IDH2: variants seen among roughly 807,000 people sequenced by gnomAD.
IDH2 encodes the protein isocitrate dehydrogenase (NADP(+)) 2.
A neutral mutation model predicts 50.5 loss-of-function variants in IDH2; 18 were observed. The ratio of observed to expected loss-of-function variants is 0.36; its 90% CI spans 0.25 to 0.53. The LOEUF (loss-of-function observed/expected upper bound fraction) is 0.53. Ranked by LOEUF, IDH2 falls within the 20% of genes least tolerant of loss-of-function variation. The probability of loss-of-function intolerance (pLI) is 0.92; values close to 1 mark genes in which losing one functional copy is unlikely to be tolerated. For missense variants in IDH2, 518 were observed against 610.7 expected (o/e 0.85, Z 1.60); for synonymous variants, 280 against 239.8 (o/e 1.17, Z -1.55).
Position 90,084,254 on chromosome 15 carries a change from T to G in IDH2, c.*12A>C, listed in dbSNP as rs747501657. The G allele has an allele frequency of 6.2e-7, 1 of 1,612,162 alleles. No homozygotes were observed. Among genetic ancestry groups the G allele is most frequent in the East Asian group, 2.2e-5 (1 of 44,830 alleles). On this transcript the variant is annotated 3_prime_UTR_variant, in exon 11 of 11. Coordinates refer to ENST00000330062, the MANE Select transcript of IDH2 (RefSeq NM_002168.4). This position sits in a 1 kb window ranked among gnomAD's most constrained non-coding sequence, Gnocchi z 5.0. ...CTGGCCCCTCCACTGCAGCCATGGG[T>G]GGCGCCTCCCCCTACTGCCTGCCCA...
intron 5 of IDH2, among the ~76,000 whole-genome samples, chr15:90,087,923 C>T (rs1900911871): frequency 6.7e-6 from 1 of 150,198 alleles, no homozygotes; most frequent in Non-Finnish European, 1.5e-5. Context: ...GTGTCCCTGG[C>T]TTATCCAATC....
chr15:90,093,280 C>T (rs958005879), intron 1 of IDH2, among the ~76,000 whole-genome samples: 1 of 152,274 alleles, frequency 6.6e-6, no homozygotes, highest in Non-Finnish European at 1.5e-5. Context: ...CCTTGCACCT[C>T]AGCCTCCTTA....
chr15:90,101,031 T>C (rs1165439552), intron 1 of IDH2, among the ~76,000 whole-genome samples: 1 of 152,018 alleles, frequency 6.6e-6, no homozygotes, highest in Non-Finnish European at 1.5e-5. Flanking sequence ...TGGTGTGCTA[T>C]ATGGGAATCT....
In IDH2 at chr15:90,098,080, C is replaced by T. The variant is rs1237621385; in HGVS notation, c.115+4196G>A. ...CCCTTCTCTGAGAGATAAGTGGTGA[C>T]AAGCTACCTGAAATACACAGAGCAG... On this transcript the variant is annotated intron_variant, in intron 1 of 10. Transcript: ENST00000330062. The surrounding 1 kb of genome is among the most constrained non-coding windows in gnomAD (Gnocchi z 5.1). Among the ~76,000 whole-genome samples the T allele has an allele frequency of 6.6e-6, 1 of 152,166 alleles. No individual in the cohort carries two copies. The highest frequency in any genetic ancestry group is 1.9e-4 in the East Asian group (1 of 5,196).
At position 90,088,607 on chromosome 15, in the gene IDH2, T is replaced by G; in HGVS notation, c.514A>C (p.Arg172=). The change falls in exon 4 of 11, where the codon AGG becomes CGG. Residue 172 remains arginine, a synonymous_variant. Coordinates refer to ENST00000330062, the MANE Select transcript of IDH2 (RefSeq NM_002168.4). ...PGWTKPITIG[R]HAHGDQYKAT... is the part of the protein sequence containing the mutation. ...CCTACCTGGTCGCCATGGGCGTGCC[T>G]GCCAATGGTGATGGGCTTGGTCCAG... 6.2e-7 allele frequency: 1 copy of G among 1,614,220 alleles called. No homozygotes were observed. Among genetic ancestry groups the G allele is most frequent in the Non-Finnish European group, 8.5e-7 (1 of 1,180,038 alleles).
Position 90,084,215 on chromosome 15 carries a change from C to G in IDH2, c.*51G>C, listed in dbSNP as rs765526162. 2 of 1,527,842 alleles carry G rather than the reference C, an allele frequency of 1.3e-6. No individual in the cohort carries two copies. The highest frequency in any genetic ancestry group is 1.8e-6 in the Non-Finnish European group (2 of 1,108,282). 94.6% of individuals were successfully genotyped at this position (1,527,842 alleles called of 1,614,324 possible). The stretch of plus-strand genomic sequence containing the variant: ...CACCCTCTGCCGCGCTCAGGAGGAC[C>G]CGCCGGCTCAGCCCTGGCCCCTCCA... On this transcript the variant is annotated 3_prime_UTR_variant, in exon 11 of 11. Coordinates refer to ENST00000330062, the MANE Select transcript of IDH2 (RefSeq NM_002168.4). The surrounding 1 kb of genome is among the most constrained non-coding windows in gnomAD (Gnocchi z 5.0).
Position 90,088,867 on chromosome 15 carries a change from G to C in IDH2, c.374-120C>G. 3.3e-6 allele frequency: 3 copies of C among 912,086 alleles called. No homozygotes were observed. The South Asian group carries it at 4.0e-5, about 12-fold the overall frequency. The allele number at this position is 912,086 out of a possible 1,614,324, so 56.5% of individuals were successfully genotyped here. On this transcript the variant is annotated intron_variant, in intron 3 of 10. Coordinates refer to ENST00000330062, the MANE Select transcript of IDH2 (RefSeq NM_002168.4). ...AAAATTCTTCATGAGGAAGGCAGTAGAGTCTAGAGTGCAAATGTGTGGGCT... is the reference window on the plus strand; with the variant it reads ...AAAATTCTTCATGAGGAAGGCAGTACAGTCTAGAGTGCAAATGTGTGGGCT...
In IDH2 at chr15:90,086,807, A is replaced by G. The variant is rs568388767; in HGVS notation, c.967+305T>C. On this transcript the variant is annotated intron_variant, in intron 7 of 10. Coordinates refer to ENST00000330062, the MANE Select transcript of IDH2 (RefSeq NM_002168.4). ...CAGTCCCGCTTGATCCCATTTTCCTACTGGAACCAAAGAGTCATGAGGCTC... is the reference window on the plus strand; with the variant it reads ...CAGTCCCGCTTGATCCCATTTTCCTGCTGGAACCAAAGAGTCATGAGGCTC... 9.9e-5 allele frequency among the ~76,000 whole-genome samples: 15 copies of G among 152,124 alleles called. No homozygotes were observed. The South Asian group carries it at 3.1e-3, about 32-fold the overall frequency.
intron 1 of IDH2, among the ~76,000 whole-genome samples, chr15:90,097,121 TCC>T (rs1901203077): frequency 1.3e-5 from 2 of 152,030 alleles, no homozygotes; most frequent in African/African-American, 4.8e-5. Context: ...TGTGATACAG[TCC>T]CCCCTTATCA....
At chr15:90,099,316 C>A (rs576340316) in intron 1 of IDH2, among the ~76,000 whole-genome samples, 5 of 152,288 alleles carry the variant, frequency 3.3e-5, no homozygotes, top group African/African-American at 1.2e-4. Context: ...TCCATCATGC[C>A]CTTGGCACCT....
intron 1 of IDH2, 43 bp from the exon 2 acceptor site, chr15:90,091,687 T>G (rs1901041384): frequency 6.5e-7 from 1 of 1,545,704 alleles, no homozygotes; most frequent in African/African-American, 1.4e-5. Flanking sequence ...CTGGGGAGGC[T>G]GGAGGGGGGC....
chr15:90,088,645 C>T lies in IDH2; in HGVS notation c.476G>A (p.Arg159His), dbSNP rs755016578. 6.2e-6 allele frequency: 10 copies of T among 1,614,118 alleles called. No homozygotes were observed. The highest frequency in any genetic ancestry group is 1.7e-5 in the Admixed American group (1 of 60,014). Reference sequence around the variant, plus strand: ...GGGCTTGGTCCAGCCAGGGACTAGGCGTGGGATGTTTTTGCAGATGATGGG... The same window carrying T: ...GGGCTTGGTCCAGCCAGGGACTAGGTGTGGGATGTTTTTGCAGATGATGGG... ...REPIICKNIP[R>H]LVPGWTKPIT... The change falls in exon 4 of 11, where the codon CGC becomes CAC. Residue 159 changes from arginine to histidine, a missense_variant. Transcript: ENST00000330062.
At position 90,102,314 on chromosome 15, in the gene IDH2, A is replaced by C; in HGVS notation, c.77T>G (p.Leu26Arg). The change falls in exon 1 of 11, where the codon CTG becomes CGG. Residue 26 changes from leucine (L) to arginine (R), a missense_variant. Leu to Arg is a moderately radical substitution (Grantham distance 102). Around this residue, in one of 5 missense-constraint regions of IDH2, gnomAD observed 85 missense variants for 66.9 expected, o/e 1.27. Transcript: ENST00000330062. ...GSRPAWAPAA[L>R]TAPTSQEQPR... ...CTGCTCTTGCGAGGTGGGGGCTGTC[A>C]GGGCCGCCGGCGCCCAGGCCGGCCG... 7.4e-7 allele frequency: 1 copy of C among 1,356,254 alleles called. No individual in the cohort carries two copies. The highest frequency in any genetic ancestry group is 9.6e-7 in the Non-Finnish European group (1 of 1,043,734). The allele number at this position is 1,356,254 out of a possible 1,614,324, so 84.0% of individuals were successfully genotyped here.
chr15:90,084,789 G>C lies in IDH2; in HGVS notation c.1271+27C>G. 1 of 1,590,728 alleles carries C rather than the reference G, an allele frequency of 6.3e-7. No individual in the cohort carries two copies. The highest frequency in any genetic ancestry group is 8.6e-7 in the Non-Finnish European group (1 of 1,160,498). On this transcript the variant is annotated intron_variant, in intron 10 of 10. Transcript: ENST00000330062. This position sits in a 1 kb window ranked among gnomAD's most constrained non-coding sequence, Gnocchi z 5.0. ...TGGCTTCCTCCCACATGGCCCCAGG[G>C]TCTGCCTACCACCCCAGGCCACGCA... is the stretch of plus-strand genomic sequence containing the variant.
At position 90,090,355 on chromosome 15, in the gene IDH2, G is replaced by GT. The variant is rs1304237825; in HGVS notation, c.373+123_373+124insA. 3 of 1,062,100 alleles carry GT rather than the reference G, an allele frequency of 2.8e-6. No homozygotes were observed. The East Asian group carries it at 7.8e-5, about 28-fold the overall frequency. The allele number at this position is 1,062,100 out of a possible 1,614,324, so 65.8% of individuals were successfully genotyped here. A position where few individuals can be genotyped will look rare whatever the true frequency, so the allele number is the denominator to read the frequency against. On this transcript the variant is annotated intron_variant, in intron 3 of 10. Transcript: ENST00000330062. ...TTGGCCTCAGGAAAGCCCCAGCTCT[G>GT]GAGCCTCCCAACCTCCCAGTCCCGA...
Position 90,085,167 on chromosome 15 carries a change from G to T in IDH2, c.1081-69C>A. ...GTGAGGAGGCTGCCCAGATACAGCTGCCCGCCCCTGGGCTGGTGGGTCAGG... is the reference window on the plus strand; with the variant it reads ...GTGAGGAGGCTGCCCAGATACAGCTTCCCGCCCCTGGGCTGGTGGGTCAGG... On this transcript the variant is annotated intron_variant, in intron 8 of 10. Coordinates refer to ENST00000330062, the MANE Select transcript of IDH2 (RefSeq NM_002168.4). This position sits in a 1 kb window ranked among gnomAD's most constrained non-coding sequence, Gnocchi z 5.5. 6.5e-7 allele frequency: 1 copy of T among 1,549,440 alleles called. No individual in the cohort carries two copies. The highest frequency in any genetic ancestry group is 8.9e-7 in the Non-Finnish European group (1 of 1,123,880).
At chr15:90,101,607 G>C (rs1901332939) in intron 1 of IDH2, among the ~76,000 whole-genome samples, 1 of 151,752 alleles carries the variant, frequency 6.6e-6, no homozygotes, top group African/African-American at 2.4e-5. Flanking sequence ...GGGAGGGCAT[G>C]TGCCTGCCAA....
At chr15:90,095,472 T>TAAAAAAAA (rs10622800) in intron 1 of IDH2, among the ~76,000 whole-genome samples, 44 of 143,490 alleles carry the variant, frequency 3.1e-4, no homozygotes, top group African/African-American at 1.1e-3. Flanking sequence ...TCAAATTTGT[T>TAAAAAAAA]AAAAAAAAAA....
rs1901311644 is a variant in IDH2, at chr15:90,100,893, G to C, written c.115+1383C>G. On this transcript the variant is annotated intron_variant, in intron 1 of 10. Coordinates refer to ENST00000330062, the MANE Select transcript of IDH2 (RefSeq NM_002168.4). This position sits in a 1 kb window ranked among gnomAD's most constrained non-coding sequence, Gnocchi z 4.1. ...TATCCAAATTCAGGACCCTTAAAAGGCGCTTTGTGTTCCTGTTTGTGTGTG... is the reference window on the plus strand; with the variant it reads ...TATCCAAATTCAGGACCCTTAAAAGCCGCTTTGTGTTCCTGTTTGTGTGTG... 6.6e-6 allele frequency among the ~76,000 whole-genome samples: 1 copy of C among 151,494 alleles called. No individual in the cohort carries two copies. The highest frequency in any genetic ancestry group is 2.4e-5 in the African/African-American group (1 of 41,220).
Sources: gnomAD v4.1 joint callset for allele counts (sites outside exome capture counted in the v4.1 genomes callset) on GRCh38, gnomAD v4.1.1 for gene constraint, gnomAD v4.1.1 regional missense constraint, Gnocchi (gnomAD v3.1) non-coding constraint, MANE v1.5 for transcripts, NCBI Gene and HGNC (gene_info 2026-07-23, HGNC 2026-07-21) for gene names.